ANKS1B: variants seen among roughly 807,000 people sequenced by gnomAD.
The protein encoded by ANKS1B is ankyrin repeat and sterile alpha motif domain-containing protein 1B.
In ANKS1B, 36 loss-of-function variants were observed where a neutral mutation model predicts 148.3. The ratio of observed to expected loss-of-function variants is 0.24; its 90% confidence interval spans 0.19 to 0.32. ANKS1B has a LOEUF of 0.32. Ranked by LOEUF, ANKS1B falls within the 10% of genes least tolerant of loss-of-function variation. The probability of loss-of-function intolerance (pLI) is 1.00; values close to 1 mark genes in which losing one functional copy is unlikely to be tolerated. For missense variants in ANKS1B, 1,157 were observed against 1,542.6 expected, an observed-to-expected ratio of 0.75 and a Z score of 4.19; for synonymous variants, 542 against 560.8, an observed-to-expected ratio of 0.97 and a Z score of 0.47.
intron 17 of ANKS1B, among the ~76,000 whole-genome samples, chr12:98,872,116 A>G (rs979855274): frequency 1.3e-5 from 2 of 152,234 alleles, no homozygotes; most frequent in Non-Finnish European, 2.9e-5. Context: ...TTATACCATT[A>G]GTTCAAACAC....
intron 15 of ANKS1B, among the ~76,000 whole-genome samples, chr12:99,101,568 G>T (rs926649589): frequency 1.3e-5 from 2 of 152,046 alleles, no homozygotes; most frequent in African/African-American, 4.8e-5. Flanking sequence ...ACAGTGTTTT[G>T]TTCTTGTTTT....
At chr12:99,687,405 A>G (rs529327911) in intron 8 of ANKS1B, among the ~76,000 whole-genome samples, 1 of 152,278 alleles carries the variant, frequency 6.6e-6, no homozygotes, top group Non-Finnish European at 1.5e-5. Flanking sequence ...ATTTTCAAAC[A>G]TTATTTTCTC....
At chr12:99,642,922 C>T (rs1598685926) in intron 9 of ANKS1B, among the ~76,000 whole-genome samples, 2 of 152,192 alleles carry the variant, frequency 1.3e-5, no homozygotes, top group Admixed American at 6.5e-5. Flanking sequence ...AGCAATGTAA[C>T]ATCTTCAAAT....
intron 10 of ANKS1B, among the ~76,000 whole-genome samples, chr12:99,495,342 A>AGTGT (rs56107230): frequency 0.15 from 22,298 of 145,226 alleles, 1,737 homozygotes; most frequent in Non-Finnish European, 0.19. Flanking sequence ...GGGGAGAAAA[A>AGTGT]GTGTGTGTGT....
At chr12:99,109,348 T>C (rs1230283364) in intron 15 of ANKS1B, among the ~76,000 whole-genome samples, 3 of 152,142 alleles carry the variant, frequency 2.0e-5, no homozygotes. Flanking sequence ...CATAAAGGAA[T>C]GAATGGGTGG....
chr12:99,931,299 A>G (rs1054017674), intron 1 of ANKS1B, among the ~76,000 whole-genome samples: 1 of 152,072 alleles, frequency 6.6e-6, no homozygotes, highest in Non-Finnish European at 1.5e-5. Context: ...TATGTAACAA[A>G]CCTGCACGTT....
intron 8 of ANKS1B, among the ~76,000 whole-genome samples, chr12:99,685,383 A>G (rs2098643541): frequency 6.6e-6 from 1 of 152,190 alleles, no homozygotes; most frequent in South Asian, 2.1e-4. Context: ...ACAATGCAAT[A>G]TCACCTTACT....
chr12:99,421,642 G>A (rs935948020), intron 11 of ANKS1B, among the ~76,000 whole-genome samples: 1 of 152,186 alleles, frequency 6.6e-6, no homozygotes, highest in South Asian at 2.1e-4. Context: ...GGAGCAGAAA[G>A]TTAAGAGGCT....
At chr12:99,386,310 AG>A (rs2093856477) in intron 12 of ANKS1B, 1 of 152,198 alleles carries the variant, frequency 6.6e-6, no homozygotes, top group Non-Finnish European at 1.5e-5. Context: ...ACGCATTGTT[AG>A]ATGTTAGAAT....
chr12:99,075,704 T>A (rs1487007798), intron 16 of ANKS1B, among the ~76,000 whole-genome samples: 6 of 151,598 alleles, frequency 4.0e-5, no homozygotes, highest in Non-Finnish European at 7.4e-5. Context: ...CTCCTGAGTA[T>A]ATTATCAGCA....
chr12:99,545,866 T>C (rs559949192), intron 9 of ANKS1B, among the ~76,000 whole-genome samples: 3 of 151,682 alleles, frequency 2.0e-5, no homozygotes, highest in African/African-American at 7.2e-5. Context: ...TTTACCTATA[T>C]CCAATAACAT....
At chr12:99,754,500 C>T (rs1429892059) in intron 8 of ANKS1B, among the ~76,000 whole-genome samples, 1 of 152,062 alleles carries the variant, frequency 6.6e-6, no homozygotes, top group African/African-American at 2.4e-5. Flanking sequence ...CAATGGATCA[C>T]ATGAACCCAG....
rs58610681 is a variant in ANKS1B, at chr12:99,795,924, T to C, written c.669+10480A>G. 2.2e-3 allele frequency among the ~76,000 whole-genome samples: 335 copies of C among 152,148 alleles called. 1 individual carries two copies. The highest frequency in any genetic ancestry group is 7.7e-3 in the African/African-American group (320 of 41,546). On this transcript the variant is annotated intron_variant, in intron 4 of 26. Transcript: ENST00000683438. ...AAATTTCTTTTTCTTTCTTCTCAAC[T>C]TCAGATAGAGGATTCATTCTTACCA...
chr12:98,911,369 A>G (rs975638877), intron 17 of ANKS1B, among the ~76,000 whole-genome samples: 1 of 152,218 alleles, frequency 6.6e-6, no homozygotes, highest in Non-Finnish European at 1.5e-5. Flanking sequence ...TACTGGCAGT[A>G]ATGTCAACTG....
At chr12:98,765,640 A>C (rs936873780) in intron 25 of ANKS1B, among the ~76,000 whole-genome samples, 1 of 151,626 alleles carries the variant, frequency 6.6e-6, no homozygotes, top group African/African-American at 2.4e-5. Context: ...CACTGTACTC[A>C]CTGTAACCTC....
At chr12:99,204,362 G>A (rs2082390247) in intron 14 of ANKS1B, among the ~76,000 whole-genome samples, 1 of 152,152 alleles carries the variant, frequency 6.6e-6, no homozygotes, top group Non-Finnish European at 1.5e-5. Context: ...AAACCTGTGG[G>A]AAACCAAATT....
chr12:99,371,442 G>A (rs1383564911), intron 12 of ANKS1B, among the ~76,000 whole-genome samples: 2 of 152,114 alleles, frequency 1.3e-5, no homozygotes, highest in African/African-American at 2.4e-5. Context: ...AGACATGTGA[G>A]AAGAAGGGTA....
chr12:99,340,137 T>C (rs954815393), intron 12 of ANKS1B, among the ~76,000 whole-genome samples: 2 of 152,132 alleles, frequency 1.3e-5, no homozygotes, highest in Admixed American at 1.3e-4. Context: ...ATTTTACAGA[T>C]AGAAATGAAC....
At chr12:98,821,499 GTCTC>G (rs144073396) in intron 19 of ANKS1B, among the ~76,000 whole-genome samples, 2 of 144,588 alleles carry the variant, frequency 1.4e-5, no homozygotes, top group African/African-American at 4.9e-5. Context: ...CTGTCTGTCT[GTCTC>G]TCTCTCTCTG....
Sources: allele counts gnomAD v4.1 joint callset (sites outside exome capture counted in the v4.1 genomes callset), GRCh38; gene constraint gnomAD v4.1.1; transcripts MANE v1.5; gene names NCBI Gene and HGNC (gene_info 2026-07-23, HGNC 2026-07-21).